TNIK: variants seen among roughly 807,000 people sequenced by gnomAD.
TNIK encodes the protein TRAF2 and NCK interacting kinase, also known as TRAF2 and NCK-interacting protein kinase.
A neutral mutation model predicts 191.3 loss-of-function variants in TNIK; 49 were observed. The observed-to-expected ratio is 0.26, with a 90% CI of 0.20 to 0.32. The LOEUF (loss-of-function observed/expected upper bound fraction) is 0.32, where lower values mean the gene tolerates loss of function less well. Ranked by LOEUF, TNIK falls within the 10% of genes least tolerant of loss-of-function variation. The pLI, the probability that TNIK is intolerant of heterozygous loss-of-function variation, is 1.00. For synonymous variants in TNIK, 594 were observed against 600.9 expected (o/e 0.99, Z 0.17); for missense variants, 1,155 against 1,702.3 (o/e 0.68, Z 5.66).
chr3:171,068,548 G>A (rs569352529), intron 30 of TNIK, among the ~76,000 whole-genome samples: 7 of 152,216 alleles, frequency 4.6e-5, no homozygotes, highest in South Asian at 2.1e-4. Context: ...CTTGTCTACC[G>A]AATATAATTC....
rs537650499 is a variant in TNIK, at chr3:171,240,482, G to GCTGGGTAAATGGTGTTATCA, written c.124-12281_124-12262dup. On this transcript the variant is annotated intron_variant, in intron 2 of 32. Coordinates refer to ENST00000436636, the MANE Select transcript of TNIK (RefSeq NM_015028.4). ...ATGTGTAGATACACTTGGTAGAGTG[G>GCTGGGTAAATGGTGTTATCA]CTGGGTAAATGGTGTTATCACAGTG... is the stretch of plus-strand genomic sequence containing the variant. 1.8e-3 allele frequency among the ~76,000 whole-genome samples: 276 copies of GCTGGGTAAATGGTGTTATCA among 151,844 alleles called. 1 individual carries two copies. The highest frequency in any genetic ancestry group is 6.5e-3 in the African/African-American group (267 of 41,376).
chr3:171,449,726 C>G (rs553903393), intron 1 of TNIK, among the ~76,000 whole-genome samples: 1 of 151,918 alleles, frequency 6.6e-6, no homozygotes, highest in Non-Finnish European at 1.5e-5. Context: ...CATGCAGAAA[C>G]CATTGCAATG....
At position 171,225,662 on chromosome 3, in the gene TNIK, G is replaced by A. The variant is rs909652566; in HGVS notation, c.180+2503C>T. 1.1e-4 allele frequency: 51 copies of A among 454,638 alleles called. 1 individual carries two copies. In the Admixed American group the frequency reaches 1.2e-3, roughly 10 times the overall value. 28.2% of individuals were successfully genotyped at this position (454,638 alleles called of 1,614,324 possible). On this transcript the variant is annotated intron_variant, in intron 3 of 32. Transcript: ENST00000436636. The stretch of plus-strand genomic sequence containing the variant: ...CCTTAAGCTGAAAATACATGTTCTG[G>A]GAAAAATAACTGTGTAACTTTTAAT...
chr3:171,330,445 T>C (rs1337314677), intron 2 of TNIK, among the ~76,000 whole-genome samples: 1 of 152,240 alleles, frequency 6.6e-6, no homozygotes, highest in Non-Finnish European at 1.5e-5. Flanking sequence ...AATTGTCTCT[T>C]AATTTTCTTT....
intron 2 of TNIK, among the ~76,000 whole-genome samples, chr3:171,311,557 TG>T (rs1269746472): frequency 6.6e-6 from 1 of 152,192 alleles, no homozygotes; most frequent in Non-Finnish European, 1.5e-5. Flanking sequence ...AATTCAGATC[TG>T]GGTTTGTCTG....
chr3:171,217,258 T>G (rs567076187), intron 3 of TNIK, among the ~76,000 whole-genome samples: 1 of 152,268 alleles, frequency 6.6e-6, no homozygotes, highest in African/African-American at 2.4e-5. Flanking sequence ...GTAACATGGT[T>G]GAGCTAGAGG....
chr3:171,234,018 A>G (rs530918709), intron 2 of TNIK, among the ~76,000 whole-genome samples: 2 of 152,320 alleles, frequency 1.3e-5, no homozygotes, highest in Non-Finnish European at 2.9e-5. Context: ...TTCCCTTTCC[A>G]TAGATCACAG....
chr3:171,320,869 C>T (rs1333271988), intron 2 of TNIK, among the ~76,000 whole-genome samples: 1 of 152,100 alleles, frequency 6.6e-6, no homozygotes, highest in Non-Finnish European at 1.5e-5. Context: ...ATTAATAGTC[C>T]CACTCCTGCT....
rs73030943 is a variant in TNIK, at chr3:171,317,201, G to A, written c.123+52419C>T. On this transcript the variant is annotated intron_variant, in intron 2 of 32. Coordinates refer to ENST00000436636, the MANE Select transcript of TNIK (RefSeq NM_015028.4). The stretch of plus-strand genomic sequence containing the variant: ...TCACCTGTAACAAAGCAGTTGTTCC[G>A]GGTCAGGCCAGGTTCTTTGGTTTAG... Among the ~76,000 whole-genome samples the A allele has an allele frequency of 1.6e-3, 245 of 152,076 alleles. 1 individual carries two copies. Among genetic ancestry groups the A allele is most frequent in the African/African-American group, 5.7e-3 (236 of 41,494 alleles).
Position 171,167,183 on chromosome 3 carries a change from T to C in TNIK, c.861A>G (p.Pro287=), listed in dbSNP as rs573880119. The change falls in exon 10 of 33, where the codon CCA becomes CCG. Residue 287 remains proline, a synonymous_variant. Coordinates refer to ENST00000436636, the MANE Select transcript of TNIK (RefSeq NM_015028.4). ...GCTCATTAGGTTGGTCTCGTATAAATGGATGCTTCATCAATTGTTCTGTTG... is the reference window on the plus strand; with the variant it reads ...GCTCATTAGGTTGGTCTCGTATAAACGGATGCTTCATCAATTGTTCTGTTG... ...RPATEQLMKH[P]FIRDQPNERQ... The C allele has an allele frequency of 4.3e-6, 7 of 1,614,012 alleles. No individual in the cohort carries two copies. The South Asian group carries it at 4.4e-5, about 10-fold the overall frequency.
At chr3:171,190,607 C>T (rs368291418) in intron 6 of TNIK, 90 bp downstream of exon 6, 32 of 1,006,244 alleles carry the variant, frequency 3.2e-5, no homozygotes, top group Admixed American at 1.2e-4. Flanking sequence ...TCCAAATCCA[C>T]GGTGACAAAT....
At position 171,157,526 on chromosome 3, in the gene TNIK, C is replaced by A. The variant is rs1484653711; in HGVS notation, c.1155G>T (p.Arg385=). 1.3e-6 allele frequency: 2 copies of A among 1,572,378 alleles called. No individual in the cohort carries two copies. Among genetic ancestry groups the A allele is most frequent in the Admixed American group, 1.9e-5 (1 of 53,982 alleles). Residue 385 remains arginine, a synonymous_variant, in exon 12 of 33, where the codon CGG becomes CGT. Transcript: ENST00000436636. The part of the protein sequence containing the change: ...QQQRENEEHK[R]QLLAERQKRI... ...GCTTCTGACGCTCGGCCAGCAGCTGCCGCTTGTGCTCCTCATTCTCCCGCT... is the reference window on the plus strand; with the variant it reads ...GCTTCTGACGCTCGGCCAGCAGCTGACGCTTGTGCTCCTCATTCTCCCGCT...
intron 1 of TNIK, among the ~76,000 whole-genome samples, chr3:171,417,549 T>A (rs979625944): frequency 1.3e-5 from 2 of 152,206 alleles, no homozygotes; most frequent in Non-Finnish European, 2.9e-5. Flanking sequence ...AAAAAAAAGT[T>A]AAAAATCATT....
At chr3:171,245,192 G>C (rs765727253) in intron 2 of TNIK, among the ~76,000 whole-genome samples, 5 of 152,136 alleles carry the variant, frequency 3.3e-5, no homozygotes, top group Non-Finnish European at 4.4e-5. Flanking sequence ...ATAAAACAAA[G>C]ACTTTGAAGT....
chr3:171,139,356 T>C, intron 14 of TNIK, 114 bp downstream of exon 14: 1 of 941,914 alleles, frequency 1.1e-6, no homozygotes, highest in Non-Finnish European at 1.7e-6. Context: ...GACTGGTATG[T>C]TAGAAGGACA....
intron 31 of TNIK, 104 bp from the exon 32 acceptor site, chr3:171,066,430 A>G: frequency 6.4e-7 from 1 of 1,567,068 alleles, no homozygotes. Context: ...GACTTGAGAT[A>G]AATGGACAAA....
intron 1 of TNIK, among the ~76,000 whole-genome samples, chr3:171,420,201 C>A (rs935980687): frequency 1.3e-5 from 2 of 152,086 alleles, no homozygotes; most frequent in African/African-American, 4.8e-5. Context: ...GCCTCTGGAG[C>A]CTTTTGGGAT....
rs776338192 is a variant in TNIK, at chr3:171,128,830, G to C, written c.1657C>G (p.His553Asp). Residue 553 changes from histidine to aspartate, a missense_variant, in exon 16 of 33, where the codon CAC (histidine) becomes GAC (aspartate). His to Asp is a moderately conservative substitution (Grantham distance 81). This residue lies in a region of TNIK where 735 missense variants were observed against 848.0 expected (regional missense o/e 0.87). Transcript: ENST00000436636. ...LNRQSSPAMP[H>D]KVANRISDPN... ...TCAGATATCCTGTTGGCAACCTTGTGAGGCATGGCAGGGGAACTTTGCCGG... is the reference window on the plus strand; with the variant it reads ...TCAGATATCCTGTTGGCAACCTTGTCAGGCATGGCAGGGGAACTTTGCCGG... 2 of 1,589,376 alleles carry C rather than the reference G, an allele frequency of 1.3e-6. No homozygotes were observed. The highest frequency in any genetic ancestry group is 1.7e-6 in the Non-Finnish European group (2 of 1,169,522).
intron 3 of TNIK, among the ~76,000 whole-genome samples, chr3:171,223,559 C>A (rs1003569900): frequency 6.6e-6 from 1 of 152,132 alleles, no homozygotes; most frequent in Non-Finnish European, 1.5e-5. Context: ...TTACATTGCT[C>A]AGGCTGAAAT....
Sources: allele counts gnomAD v4.1 joint callset (sites outside exome capture counted in the v4.1 genomes callset), GRCh38; gene constraint gnomAD v4.1.1; regional missense constraint gnomAD v4.1.1; transcripts MANE v1.5; gene names NCBI Gene and HGNC (gene_info 2026-07-23, HGNC 2026-07-21).